OPRM1: variants seen among roughly 807,000 people sequenced by gnomAD.
OPRM1 encodes the protein mu-type opioid receptor.
OPRM1 carries 27 observed loss-of-function variants against 31.8 expected under a neutral mutation model. That is an observed-to-expected ratio of 0.85 (90% CI 0.63 to 1.17). The LOEUF (loss-of-function observed/expected upper bound fraction) is 1.17, where lower values mean the gene tolerates loss of function less well. OPRM1 is among the 50% of genes most tolerant of loss of function. The pLI is 0.00. For missense variants in OPRM1, 536 were observed against 511.1 expected, an observed-to-expected ratio of 1.05 and a Z score of -0.47; for synonymous variants, 196 against 189.9, an observed-to-expected ratio of 1.03 and a Z score of -0.26.
intron 1 of OPRM1, among the ~76,000 whole-genome samples, chr6:154,058,087 C>T (rs1783679708): frequency 6.6e-6 from 1 of 152,122 alleles, no homozygotes; most frequent in Non-Finnish European, 1.5e-5. Context: ...ACATATAAAG[C>T]ACACCAGTGA....
intron 3 of OPRM1, among the ~76,000 whole-genome samples, chr6:154,116,591 AAAAAAAAAAG>A (rs1189265656): frequency 6.6e-6 from 1 of 151,926 alleles, no homozygotes; most frequent in East Asian, 1.9e-4. Context: ...CCTCAAAAAA[AAAAAAAAAAG>A]AAAAGAAAAG....
At chr6:154,110,479 C>T (rs986696158) in intron 3 of OPRM1, 12 of 1,018,466 alleles carry the variant, frequency 1.2e-5, no homozygotes, top group Non-Finnish European at 1.8e-5. Context: ...CTGCTGCTAG[C>T]CCTAATGGAG....
chr6:154,056,521 TC>T (rs1783333875), intron 1 of OPRM1, among the ~76,000 whole-genome samples: 2 of 151,836 alleles, frequency 1.3e-5, no homozygotes, highest in Admixed American at 1.3e-4. Flanking sequence ...CAATGCGATG[TC>T]TGTCAACTTC....
chr6:154,246,228 C>A (rs9397698), intron 3 of OPRM1, among the ~76,000 whole-genome samples: 41,466 of 151,952 alleles, frequency 0.27, 6,148 homozygotes, highest in Admixed American at 0.45. Context: ...AGTAGAGAGA[C>A]CTTAACTATG....
At chr6:154,019,747 C>CTTTTCT (rs61209522) in intron 1 of OPRM1, among the ~76,000 whole-genome samples, 2,691 of 121,980 alleles carry the variant, frequency 0.022, 147 homozygotes, top group African/African-American at 0.088. Flanking sequence ...CTTTTCTTTT[C>CTTTTCT]TTTTTTTTTT....
In OPRM1 at chr6:154,039,358, A is replaced by C; in HGVS notation, c.-187A>C. The C allele has an allele frequency of 6.5e-7, 1 of 1,545,450 alleles. No individual in the cohort carries two copies. Among genetic ancestry groups the C allele is most frequent in the Non-Finnish European group, 8.7e-7 (1 of 1,143,182 alleles). Reference sequence around the variant, plus strand: ...TGGGAGGGGGCTATACGCAGAGGAGAATGTCAGATGCTCAGCTCGGTCCCC... The same window carrying C: ...TGGGAGGGGGCTATACGCAGAGGAGCATGTCAGATGCTCAGCTCGGTCCCC... On this transcript the variant is annotated 5_prime_UTR_variant, in exon 1 of 4. Coordinates refer to ENST00000330432, the MANE Select transcript of OPRM1 (RefSeq NM_000914.5).
downstream of OPRM1, among the ~76,000 whole-genome samples, chr6:154,135,135 G>A (rs532473294): frequency 1.3e-5 from 2 of 152,284 alleles, no homozygotes; most frequent in Admixed American, 6.5e-5. Flanking sequence ...TATGAGAACA[G>A]ATATCTTCCC....
At chr6:154,068,694 T>TTGAAGA (rs1338758565) in intron 1 of OPRM1, among the ~76,000 whole-genome samples, 1 of 152,192 alleles carries the variant, frequency 6.6e-6, no homozygotes, top group Non-Finnish European at 1.5e-5. Context: ...TTCAACATAT[T>TTGAAGA]TATTTTGTTC....
chr6:154,065,026 A>T (rs771394321), intron 1 of OPRM1, among the ~76,000 whole-genome samples: 1 of 152,128 alleles, frequency 6.6e-6, no homozygotes, highest in Non-Finnish European at 1.5e-5. Flanking sequence ...TTCAGCAAAA[A>T]CTTCATTGAG....
intron 3 of OPRM1, among the ~76,000 whole-genome samples, chr6:154,221,959 A>T (rs1369483068): frequency 6.6e-6 from 1 of 152,248 alleles, no homozygotes; most frequent in African/African-American, 2.4e-5. Flanking sequence ...TAAAGATACA[A>T]TAAATTCAAT....
chr6:154,223,037 C>T, intron 3 of OPRM1: 1 of 739,192 alleles, frequency 1.4e-6, no homozygotes, highest in Non-Finnish European at 2.3e-6. Flanking sequence ...AGGGTGCCAA[C>T]CCATAATGCT....
At chr6:154,139,974 C>A (rs1311017191) in intron 3 of OPRM1, among the ~76,000 whole-genome samples, 1 of 152,174 alleles carries the variant, frequency 6.6e-6, no homozygotes, top group Non-Finnish European at 1.5e-5. Context: ...TTGAATCAGT[C>A]TAGGCCAAAA....
intron 1 of OPRM1, among the ~76,000 whole-genome samples, chr6:154,048,726 A>G (rs1781633950): frequency 6.6e-6 from 1 of 152,230 alleles, no homozygotes; most frequent in Non-Finnish European, 1.5e-5. Flanking sequence ...AGTCATGAAA[A>G]GTGATCTGTA....
rs1354117715 is a variant in OPRM1 at position 154,222,368 on chromosome 6, C to CACCAGTTA, written c.1165-24325_1165-24324insACCAGTTA. On this transcript the variant is annotated intron_variant, in intron 3 of 3. Coordinates refer to the OPRM1 transcript ENST00000337049. ...CTTAAAGCTAACACCAGTTTACTAA[C>CACCAGTTA]CTTGTTAAAAGAAAACTACTCAATT... Among the ~76,000 whole-genome samples the CACCAGTTA allele has an allele frequency of 3.9e-5, 6 of 152,178 alleles. No homozygotes were observed. In the South Asian group the frequency reaches 6.2e-4, roughly 16 times the overall value.
chr6:154,191,245 T>C (rs998528144), intron 3 of OPRM1, among the ~76,000 whole-genome samples: 5 of 151,792 alleles, frequency 3.3e-5, no homozygotes, highest in African/African-American at 1.2e-4. Context: ...GGGAGAAGGG[T>C]AGAAGGATGA....
intron 3 of OPRM1, among the ~76,000 whole-genome samples, chr6:154,211,049 A>T (rs1777916845): frequency 6.6e-6 from 1 of 152,168 alleles, no homozygotes; most frequent in Non-Finnish European, 1.5e-5. Flanking sequence ...CTGGTAAGTG[A>T]ATGAGCTACT....
chr6:154,209,266 GA>G (rs869144868), intron 3 of OPRM1, among the ~76,000 whole-genome samples: 4 of 152,052 alleles, frequency 2.6e-5, no homozygotes, highest in South Asian at 4.2e-4. Context: ...AAAACTTGGG[GA>G]AAAAAATATT....
chr6:154,091,071 G>C lies in OPRM1; in HGVS notation c.763G>C (p.Gly255Arg). 1 of 1,614,128 alleles carries C rather than the reference G, an allele frequency of 6.2e-7. No individual in the cohort carries two copies. Among genetic ancestry groups the C allele is most frequent in the Non-Finnish European group, 8.5e-7 (1 of 1,180,018 alleles). ...AGTGCTCATCATTACCGTGTGCTAT[G>C]GACTGATGATCTTGCGCCTCAAGAG... ...MPVLIITVCY[G>R]LMILRLKSVR... Residue 255 changes from glycine (G) to arginine (R), a missense_variant, in exon 3 of 4, where the codon GGA becomes CGA. Gly to Arg is a moderately radical substitution (Grantham distance 125). Transcript: ENST00000330432.
rs191869884 is a variant in OPRM1, at chr6:154,115,369, G to A, written c.1165-3314G>A. ...AGCCTGGGCAACATCGTGAAACCCC[G>A]TCTCTACCAAAAATACAAAAATTAG... On this transcript the variant is annotated intron_variant, in intron 3 of 3. Transcript: ENST00000330432. Among the ~76,000 whole-genome samples the A allele has an allele frequency of 3.9e-3, 587 of 152,128 alleles. 13 individuals carry two copies. In the Middle Eastern group the frequency reaches 0.041, roughly 11 times the overall value.
Sources: allele counts gnomAD v4.1 joint callset (sites outside exome capture counted in the v4.1 genomes callset), GRCh38; gene constraint gnomAD v4.1.1; transcripts MANE v1.5; gene names NCBI Gene and HGNC (gene_info 2026-07-23, HGNC 2026-07-21).